ZPBP: variants seen among roughly 807,000 people sequenced by gnomAD.
The protein encoded by ZPBP is zona pellucida binding protein.
A neutral mutation model predicts 44.8 loss-of-function variants in ZPBP; 26 were observed. That is an observed-to-expected ratio of 0.58 (90% CI 0.43 to 0.81). ZPBP has a LOEUF of 0.81. ZPBP is among the 30% of genes least tolerant of loss of function. The probability of loss-of-function intolerance (pLI) is 0.00; values close to 1 mark genes in which losing one functional copy is unlikely to be tolerated. For synonymous variants in ZPBP, 174 were observed against 153.2 expected (o/e 1.14, Z -1.00); for missense variants, 409 against 434.0 (o/e 0.94, Z 0.51).
intron 7 of ZPBP, among the ~76,000 whole-genome samples, chr7:49,941,029 G>T (rs1462285708): frequency 6.6e-6 from 1 of 152,120 alleles, no homozygotes; most frequent in African/African-American, 2.4e-5. Context: ...CACATGCTCA[G>T]GACCAAGCAT....
chr7:49,863,788 C>T (rs1790766652), intron 2 of ZPBP, among the ~76,000 whole-genome samples: 1 of 152,128 alleles, frequency 6.6e-6, no homozygotes, highest in Admixed American at 6.6e-5. Context: ...TTCCTTCCTC[C>T]TGCTAACCTT....
At position 50,093,050 on chromosome 7, in the gene ZPBP, G is replaced by C; in HGVS notation, c.127+18C>G. On this transcript the variant is annotated intron_variant, in intron 1 of 7. Coordinates refer to ENST00000046087, the MANE Select transcript of ZPBP (RefSeq NM_007009.3). ...GCGGTTGTCCCTGCGGAGCCGGCAG[G>C]GCGGCGCGGACCCTCACCTGATGAG... 1 of 1,594,954 alleles carries C rather than the reference G, an allele frequency of 6.3e-7. No homozygotes were observed. The highest frequency in any genetic ancestry group is 1.1e-5 in the South Asian group (1 of 88,186).
intron 1 of ZPBP, chr7:50,092,738 T>C: frequency 4.5e-6 from 1 of 220,316 alleles, no homozygotes; most frequent in Non-Finnish European, 8.8e-6. Flanking sequence ...GATCTCATCA[T>C]TACAGAGTTC....
At chr7:49,947,848 C>G (rs1281044673) in intron 7 of ZPBP, among the ~76,000 whole-genome samples, 2 of 152,282 alleles carry the variant, frequency 1.3e-5, no homozygotes, top group East Asian at 1.9e-4. Context: ...ATCTGGGAAC[C>G]AAGGACTGGA....
At chr7:50,090,985 T>A (rs913816835) in intron 1 of ZPBP, among the ~76,000 whole-genome samples, 26 of 152,002 alleles carry the variant, frequency 1.7e-4, no homozygotes, top group African/African-American at 5.8e-4. Flanking sequence ...TTTTTTTTTT[T>A]ATTTTTTGAT....
intron 2 of ZPBP, among the ~76,000 whole-genome samples, chr7:49,890,401 G>T (rs1792077477): frequency 2.6e-5 from 4 of 152,136 alleles, no homozygotes; most frequent in Admixed American, 2.6e-4. Context: ...AGTATGGAAA[G>T]GAATGCATAT....
At chr7:49,933,497 T>C (rs1393951806), downstream of ZPBP, among the ~76,000 whole-genome samples, 1 of 152,222 alleles carries the variant, frequency 6.6e-6, no homozygotes, top group Non-Finnish European at 1.5e-5. Flanking sequence ...AGTGTGGAGA[T>C]TCCTCAGGGA....
chr7:50,021,326 A>G (rs1799081089), intron 5 of ZPBP, among the ~76,000 whole-genome samples: 1 of 152,088 alleles, frequency 6.6e-6, no homozygotes, highest in South Asian at 2.1e-4. Context: ...ATAAAGCAAA[A>G]TAAGTTACAG....
chr7:49,896,517 GGAAA>G (rs1174765889), intron 2 of ZPBP, among the ~76,000 whole-genome samples: 1 of 151,652 alleles, frequency 6.6e-6, no homozygotes, highest in Non-Finnish European at 1.5e-5. Flanking sequence ...CAAAAGCAAT[GGAAA>G]GAAAAAATAG....
rs111219845 is a variant in ZPBP at position 49,981,630 on chromosome 7, T to A, written c.961+1712A>T. On this transcript the variant is annotated intron_variant, in intron 7 of 7. Coordinates refer to ENST00000046087, the MANE Select transcript of ZPBP (RefSeq NM_007009.3). ...TATATAATTATATTATATTATATTA[T>A]ATTATATATTATATAATATCTTGAT... 7.6e-3 allele frequency among the ~76,000 whole-genome samples: 350 copies of A among 45,786 alleles called. 55 individuals are homozygous for A. Among genetic ancestry groups the A allele is most frequent in the African/African-American group, 0.023 (154 of 6,708 alleles). The allele number at this position is 45,786 out of a possible 152,430, so 30.0% of individuals were successfully genotyped here.
intron 1 of ZPBP, among the ~76,000 whole-genome samples, chr7:49,932,092 G>T (rs912740101): frequency 1.3e-5 from 2 of 152,268 alleles, no homozygotes; most frequent in African/African-American, 4.8e-5. Flanking sequence ...AGGCAGAGGT[G>T]TGCTGCAGGG....
chr7:49,857,759 A>C (rs1413955608), intron 2 of ZPBP, among the ~76,000 whole-genome samples: 1 of 152,206 alleles, frequency 6.6e-6, no homozygotes, highest in African/African-American at 2.4e-5. Flanking sequence ...ACAAGTTAAA[A>C]ACAGAGCCAT....
intron 2 of ZPBP, among the ~76,000 whole-genome samples, chr7:50,084,350 C>CAAAA (rs35709176): frequency 8.0e-6 from 1 of 124,280 alleles, no homozygotes; most frequent in Non-Finnish European, 1.7e-5. Flanking sequence ...GAACATGTAC[C>CAAAA]AAAAAAAAAA....
intron 4 of ZPBP, among the ~76,000 whole-genome samples, chr7:50,038,800 G>A (rs1258418134): frequency 1.3e-5 from 2 of 152,084 alleles, no homozygotes; most frequent in Non-Finnish European, 2.9e-5. Context: ...AAATACCACA[G>A]TATTACAACT....
At chr7:50,040,973 G>A (rs1424838224) in intron 4 of ZPBP, among the ~76,000 whole-genome samples, 1 of 152,182 alleles carries the variant, frequency 6.6e-6, no homozygotes, top group Non-Finnish European at 1.5e-5. Context: ...TTGGTGGGGG[G>A]AGGGGCATCT....
chr7:49,896,305 C>T (rs1057196421), intron 2 of ZPBP, among the ~76,000 whole-genome samples: 1 of 152,174 alleles, frequency 6.6e-6, no homozygotes, highest in Non-Finnish European at 1.5e-5. Context: ...TGCACCACTG[C>T]ACTCTACCCT....
intron 7 of ZPBP, among the ~76,000 whole-genome samples, chr7:49,956,597 T>C (rs985648424): frequency 1.4e-4 from 22 of 152,012 alleles, no homozygotes; most frequent in African/African-American, 4.8e-4. Context: ...GTATAAGATC[T>C]ATATGATGCT....
At chr7:49,911,914 CAAAT>C in intron 1 of ZPBP, 1 of 751,666 alleles carries the variant, frequency 1.3e-6, no homozygotes, top group Non-Finnish European at 1.8e-6. Flanking sequence ...AACAAACAAA[CAAAT>C]ACACGCACAC....
chr7:49,937,654 T>G, intron 7 of ZPBP, 32 bp from the exon 8 acceptor site: 1 of 1,512,470 alleles, frequency 6.6e-7, no homozygotes, highest in Non-Finnish European at 9.2e-7. Flanking sequence ...ATAAGTAGTA[T>G]TTTCCTAATA....
Sources: allele counts gnomAD v4.1 joint callset (sites outside exome capture counted in the v4.1 genomes callset), GRCh38; gene constraint gnomAD v4.1.1; transcripts MANE v1.5; gene names NCBI Gene and HGNC (gene_info 2026-07-23, HGNC 2026-07-21).